Variants in RPA1 observed in about 807,000 individuals in gnomAD.
RPA1 encodes replication protein A1.
RPA1 carries 49 observed loss-of-function variants against 83.0 expected under a neutral mutation model. That is an observed-to-expected ratio of 0.59 (90% CI 0.47 to 0.75). RPA1 has a LOEUF of 0.75. Among genes scored for constraint, RPA1 ranks in the 30% least tolerant of loss-of-function variants. The pLI is 0.00. For synonymous variants in RPA1, 279 were observed against 281.8 expected, an observed-to-expected ratio of 0.99 and a Z score of 0.10; for missense variants, 693 against 776.1, an observed-to-expected ratio of 0.89 and a Z score of 1.27.
At position 1,849,469 on chromosome 17, in the gene RPA1, T is replaced by A. The variant is rs576989508; in HGVS notation, c.273-3632T>A. On this transcript the variant is annotated intron_variant, in intron 4 of 16. Transcript: ENST00000254719. ...CGCCACGCCCGGCTAATTTTTTGTA[T>A]TTTTAGTATAGACGGGGTTTCACTG... 1.2e-4 allele frequency among the ~76,000 whole-genome samples: 19 copies of A among 152,086 alleles called. No homozygotes were observed. The South Asian group carries it at 3.9e-3, about 32-fold the overall frequency.
At chr17:1,880,875 C>A (rs750694320) in intron 12 of RPA1, among the ~76,000 whole-genome samples, 184 bp downstream of exon 12, 2 of 152,156 alleles carry the variant, frequency 1.3e-5, no homozygotes, top group African/African-American at 4.8e-5. Flanking sequence ...ACGGACAAAC[C>A]TGTAATCCCA....
chr17:1,869,958 A>G (rs896384945), intron 5 of RPA1, among the ~76,000 whole-genome samples: 1 of 152,144 alleles, frequency 6.6e-6, no homozygotes, highest in Non-Finnish European at 1.5e-5. Context: ...CCTAATTACC[A>G]GATCTCACAA....
intron 5 of RPA1, among the ~76,000 whole-genome samples, chr17:1,865,358 A>C (rs1913138009): frequency 6.6e-6 from 1 of 152,212 alleles, no homozygotes; most frequent in Non-Finnish European, 1.5e-5. Context: ...AGATCGTGTG[A>C]GTGAGTCTAC....
chr17:1,846,850 G>A (rs1028949038), intron 4 of RPA1, among the ~76,000 whole-genome samples: 1 of 152,068 alleles, frequency 6.6e-6, no homozygotes, highest in African/African-American at 2.4e-5. Context: ...CAACGTAATA[G>A]TACAGTTTTT....
intron 15 of RPA1, among the ~76,000 whole-genome samples, chr17:1,894,030 T>G (rs971410402): frequency 2.5e-4 from 5 of 20,394 alleles, no homozygotes; most frequent in East Asian, 1.3e-3. Flanking sequence ...CTGGCTTAAG[T>G]TTTTTTTTTT....
In RPA1 at chr17:1,879,628, G is replaced by T. The variant is rs762508933; in HGVS notation, c.1021G>T (p.Val341Phe). 1 of 1,614,230 alleles carries T rather than the reference G, an allele frequency of 6.2e-7. No homozygotes were observed. The highest frequency in any genetic ancestry group is 1.7e-5 in the Admixed American group (1 of 60,030). ...CACAGTGAGGTCTAACAACAGAGAA[G>T]TTGCCAAGAGGAATATCTACTTGAT... ...KITVRSNNREVAKRNIYLMDT... is the reference protein window; with the variant it reads ...KITVRSNNREFAKRNIYLMDT... The change falls in exon 11 of 17, where the codon GTT becomes TTT. Residue 341 changes from valine to phenylalanine, a missense_variant. Physicochemically the swap from Val to Phe is conservative, Grantham distance 50. Coordinates refer to ENST00000254719, the MANE Select transcript of RPA1 (RefSeq NM_002945.5).
At chr17:1,839,551 C>G (rs1911960829) in intron 1 of RPA1, among the ~76,000 whole-genome samples, 1 of 151,458 alleles carries the variant, frequency 6.6e-6, no homozygotes. Flanking sequence ...GTCTTGATCT[C>G]CCAACCTCAT....
At chr17:1,892,722 G>A (rs546101842) in intron 15 of RPA1, among the ~76,000 whole-genome samples, 1 of 152,330 alleles carries the variant, frequency 6.6e-6, no homozygotes, top group East Asian at 1.9e-4. Context: ...CATATAAGGT[G>A]CCTGCCATTT....
At chr17:1,839,239 T>C (rs1046251520) in intron 1 of RPA1, among the ~76,000 whole-genome samples, 5 of 152,244 alleles carry the variant, frequency 3.3e-5, no homozygotes, top group Non-Finnish European at 7.3e-5. Flanking sequence ...TTGGTGCTTA[T>C]GTCAATACCA....
chr17:1,896,685 G>A (rs1415376299), intron 16 of RPA1, among the ~76,000 whole-genome samples: 1 of 152,198 alleles, frequency 6.6e-6, no homozygotes, highest in Admixed American at 6.5e-5. Context: ...AGCTTTTCTT[G>A]AAATGAAAGT....
At chr17:1,834,459 A>G (rs758034319) in intron 1 of RPA1, among the ~76,000 whole-genome samples, 1 of 152,184 alleles carries the variant, frequency 6.6e-6, no homozygotes, top group Non-Finnish European at 1.5e-5. Flanking sequence ...TGGTGATGGA[A>G]TGAGTTGGAG....
chr17:1,859,241 G>T (rs897930058), intron 5 of RPA1, among the ~76,000 whole-genome samples: 3 of 152,094 alleles, frequency 2.0e-5, no homozygotes, highest in South Asian at 2.1e-4. Flanking sequence ...GTCTCTCTTG[G>T]TAAATTCTGT....
chr17:1,857,267 C>CTTTTTTTTTTTTTTTTTTTTTTT (rs35514214), intron 5 of RPA1, among the ~76,000 whole-genome samples: 1 of 134,834 alleles, frequency 7.4e-6, no homozygotes, highest in Non-Finnish European at 1.6e-5. Flanking sequence ...TTTTCTTTTT[C>CTTTTTTTTTTTTTTTTTTTTTTT]TTTTTTTTTT....
rs182570961 is a variant in RPA1, at chr17:1,872,265, C to T, written c.362-169C>T. On this transcript the variant is annotated intron_variant, in intron 5 of 16. Transcript: ENST00000254719. Reference sequence around the variant, plus strand: ...TGTAATGAAAACAAAAAGTGAACCCCTAGCAAATTCACCGAGTGCCATGGA... The same window carrying T: ...TGTAATGAAAACAAAAAGTGAACCCTTAGCAAATTCACCGAGTGCCATGGA... 7.9e-6 allele frequency: 8 copies of T among 1,011,024 alleles called. No homozygotes were observed. In the Admixed American group the frequency reaches 1.9e-4, roughly 25 times the overall value. The allele number at this position is 1,011,024 out of a possible 1,614,324, so 62.6% of individuals were successfully genotyped here.
At chr17:1,896,928 C>T in intron 16 of RPA1, 143 bp from the exon 17 acceptor site, 1 of 702,734 alleles carries the variant, frequency 1.4e-6, no homozygotes, top group East Asian at 2.7e-5. Flanking sequence ...CAGGAGGAGG[C>T]TGTCACTCAC....
At chr17:1,830,937 T>C (rs1222091566) in intron 1 of RPA1, among the ~76,000 whole-genome samples, 1 of 151,982 alleles carries the variant, frequency 6.6e-6, no homozygotes, top group Non-Finnish European at 1.5e-5. Context: ...GGCTACTTTT[T>C]GTGTTTTTAT....
intron 15 of RPA1, among the ~76,000 whole-genome samples, chr17:1,893,727 A>G (rs1385112021): frequency 6.6e-6 from 1 of 152,040 alleles, no homozygotes; most frequent in South Asian, 2.1e-4. Flanking sequence ...GAGAGAGGGA[A>G]AAGGATTGTT....
chr17:1,871,690 G>A (rs1913380922), intron 5 of RPA1, among the ~76,000 whole-genome samples: 2 of 152,218 alleles, frequency 1.3e-5, no homozygotes, highest in South Asian at 4.1e-4. Flanking sequence ...CAACATTTGT[G>A]TAAAGAGTGA....
chr17:1,883,736 A>G (rs1171166009), intron 12 of RPA1, 76 bp from the exon 13 acceptor site: 8 of 1,597,144 alleles, frequency 5.0e-6, no homozygotes, highest in Non-Finnish European at 6.9e-6. Flanking sequence ...TCTGTCGCGT[A>G]GCAGCAAGTT....
Sources: gnomAD v4.1 joint callset for allele counts (sites outside exome capture counted in the v4.1 genomes callset) on GRCh38, gnomAD v4.1.1 for gene constraint, MANE v1.5 for transcripts, NCBI Gene and HGNC (gene_info 2026-07-23, HGNC 2026-07-21) for gene names.